The following PLEKHA2 variants were observed in gnomAD, a reference collection of about 807,000 sequenced individuals.
PLEKHA2 encodes pleckstrin homology domain containing A2.
In PLEKHA2, 28 loss-of-function variants were observed where a neutral mutation model predicts 53.2. The ratio of observed to expected loss-of-function variants is 0.53; its 90% confidence interval spans 0.39 to 0.72. The LOEUF is 0.72. Among genes scored for constraint, PLEKHA2 ranks in the 30% least tolerant of loss-of-function variants. The pLI is 0.00. For missense variants in PLEKHA2, 426 were observed against 537.9 expected, an observed-to-expected ratio of 0.79 and a Z score of 2.06; for synonymous variants, 193 against 196.4, an observed-to-expected ratio of 0.98 and a Z score of 0.14.
intron 1 of PLEKHA2, among the ~76,000 whole-genome samples, chr8:38,910,602 GA>G (rs1161838680): frequency 6.6e-6 from 1 of 152,140 alleles, no homozygotes; most frequent in Non-Finnish European, 1.5e-5. Flanking sequence ...TTGCAACATA[GA>G]TAACATCTTT....
intron 2 of PLEKHA2, among the ~76,000 whole-genome samples, chr8:38,929,943 A>T (rs1214435846): frequency 6.6e-6 from 1 of 152,122 alleles, no homozygotes; most frequent in Non-Finnish European, 1.5e-5. Flanking sequence ...GGCGGAAGGG[A>T]GTAGAAGTCA....
chr8:38,964,852 C>CTTTTTTTTTTTT lies in PLEKHA2; in HGVS notation c.838-3721_838-3710dup, dbSNP rs56714628. Reference sequence around the variant, plus strand: ...TATTTTATTTTTTCTTGTTACTTCCCTTTTTTTTTTTTTTTTTTTTTTTTT... The same window carrying CTTTTTTTTTTTT: ...TATTTTATTTTTTCTTGTTACTTCCCTTTTTTTTTTTTTTTTTTTTTTTTTTTTTTTTTTTTT... On this transcript the variant is annotated intron_variant, in intron 10 of 11. Transcript: ENST00000617275. Among the ~76,000 whole-genome samples the CTTTTTTTTTTTT allele has an allele frequency of 7.3e-5, 4 of 54,968 alleles. 1 individual carries two copies. Among genetic ancestry groups the CTTTTTTTTTTTT allele is most frequent in the East Asian group, 8.5e-4 (1 of 1,170 alleles). The allele number at this position is 54,968 out of a possible 152,430, so 36.1% of individuals were successfully genotyped here.
chr8:38,960,165 T>G (rs193246688), intron 10 of PLEKHA2, among the ~76,000 whole-genome samples: 2 of 152,312 alleles, frequency 1.3e-5, no homozygotes, highest in Admixed American at 1.3e-4. Context: ...TGCCTTCTGC[T>G]TCCCACATTT....
chr8:38,948,911 C>A (rs1458250470), intron 5 of PLEKHA2, among the ~76,000 whole-genome samples: 1 of 152,164 alleles, frequency 6.6e-6, no homozygotes, highest in Non-Finnish European at 1.5e-5. Flanking sequence ...CGCTCTATAG[C>A]CCAGGCTGGA....
chr8:38,926,303 A>T (rs1360193080), intron 2 of PLEKHA2, among the ~76,000 whole-genome samples: 1 of 152,180 alleles, frequency 6.6e-6, no homozygotes, highest in African/African-American at 2.4e-5. Flanking sequence ...AAAAATCCCA[A>T]AAGAAGATTA....
intron 10 of PLEKHA2, among the ~76,000 whole-genome samples, chr8:38,966,262 G>A (rs890349962): frequency 1.3e-5 from 2 of 148,940 alleles, no homozygotes; most frequent in Non-Finnish European, 3.0e-5. Flanking sequence ...TTGTTTTACT[G>A]TCTTTTCCTG....
intron 3 of PLEKHA2, among the ~76,000 whole-genome samples, chr8:38,937,788 A>G (rs1588255324): frequency 6.6e-6 from 1 of 152,292 alleles, no homozygotes; most frequent in East Asian, 1.9e-4. Context: ...TTAGCCTCAG[A>G]GGCGCTGGAC....
chr8:38,965,363 C>T (rs912603655), intron 10 of PLEKHA2, among the ~76,000 whole-genome samples: 1 of 152,120 alleles, frequency 6.6e-6, no homozygotes, highest in Non-Finnish European at 1.5e-5. Context: ...TGACGGAGAG[C>T]ATTTCAGTAG....
At chr8:38,915,937 C>G (rs114367692) in intron 1 of PLEKHA2, among the ~76,000 whole-genome samples, 1,611 of 152,238 alleles carry the variant, frequency 0.011, 31 homozygotes, top group African/African-American at 0.037. Context: ...TATTCATCCC[C>G]TTCAGCATTT....
chr8:38,943,731 A>C lies in PLEKHA2; in HGVS notation c.199-58A>C, dbSNP rs530738083. The C allele has an allele frequency of 1.6e-5, 21 of 1,349,114 alleles. No individual in the cohort carries two copies. In the Admixed American group the frequency reaches 5.3e-4, roughly 34 times the overall value. 83.6% of individuals were successfully genotyped at this position (1,349,114 alleles called of 1,614,324 possible). Reference sequence around the variant, plus strand: ...TATATATGAGAAATTTCACAATAAGAAATCTTCAACATTGTAAGACACATA... The same window carrying C: ...TATATATGAGAAATTTCACAATAAGCAATCTTCAACATTGTAAGACACATA... On this transcript the variant is annotated intron_variant, in intron 3 of 11. Transcript: ENST00000617275.
intron 2 of PLEKHA2, among the ~76,000 whole-genome samples, chr8:38,928,930 G>T (rs1471172382): frequency 6.6e-6 from 1 of 152,168 alleles, no homozygotes; most frequent in East Asian, 1.9e-4. Context: ...CCTGGGATTC[G>T]CTTGGCTCCC....
chr8:38,958,681 C>T (rs1671734210), intron 10 of PLEKHA2, among the ~76,000 whole-genome samples: 2 of 152,234 alleles, frequency 1.3e-5, no homozygotes, highest in African/African-American at 4.8e-5. Context: ...ATCGGAGCTA[C>T]TAATTCACCA....
intron 2 of PLEKHA2, among the ~76,000 whole-genome samples, chr8:38,926,902 C>T (rs562720393): frequency 1.3e-5 from 2 of 152,096 alleles, no homozygotes; most frequent in South Asian, 2.1e-4. Context: ...GTAACAAGAG[C>T]GAGACTCCAT....
intron 1 of PLEKHA2, among the ~76,000 whole-genome samples, chr8:38,909,674 C>G (rs1048341531): frequency 2.6e-5 from 4 of 152,160 alleles, no homozygotes; most frequent in African/African-American, 9.7e-5. Flanking sequence ...TCCCAGTGCC[C>G]CCCATTTCAT....
chr8:38,952,787 G>A (rs1834870910), intron 8 of PLEKHA2, 83 bp downstream of exon 8: 3 of 1,382,292 alleles, frequency 2.2e-6, no homozygotes, highest in Non-Finnish European at 3.0e-6. Flanking sequence ...GAGCGTGCAT[G>A]AGTGGAGATG....
chr8:38,957,115 G>A (rs923986158), intron 9 of PLEKHA2, among the ~76,000 whole-genome samples: 3 of 152,090 alleles, frequency 2.0e-5, no homozygotes, highest in African/African-American at 7.2e-5. Flanking sequence ...CCATCTGGAT[G>A]GCAAAGCCTC....
intron 1 of PLEKHA2, among the ~76,000 whole-genome samples, chr8:38,913,525 G>A (rs1460565945): frequency 1.3e-5 from 2 of 152,178 alleles, no homozygotes; most frequent in Admixed American, 6.5e-5. Flanking sequence ...TCTCTGGGAG[G>A]TGCCTCAAGA....
chr8:38,937,970 G>A (rs370707127), intron 3 of PLEKHA2, among the ~76,000 whole-genome samples: 40 of 152,354 alleles, frequency 2.6e-4, no homozygotes, highest in East Asian at 5.8e-4. Flanking sequence ...AGATGAGGAC[G>A]GGCGTGTGGC....
intron 3 of PLEKHA2, among the ~76,000 whole-genome samples, chr8:38,940,282 C>T (rs1205749091): frequency 6.6e-6 from 1 of 152,068 alleles, no homozygotes; most frequent in Non-Finnish European, 1.5e-5. Context: ...GCCTGTAATT[C>T]CAGCAACTTG....
Sources: gnomAD v4.1 joint callset for allele counts (sites outside exome capture counted in the v4.1 genomes callset) on GRCh38, gnomAD v4.1.1 for gene constraint, MANE v1.5 for transcripts, NCBI Gene and HGNC (gene_info 2026-07-23, HGNC 2026-07-21) for gene names.